The following USP4 variants were observed in gnomAD, a reference collection of about 807,000 sequenced individuals.
USP4 encodes the protein ubiquitin carboxyl-terminal hydrolase 4.
In USP4, 72 loss-of-function variants were observed where a neutral mutation model predicts 118.2. The observed-to-expected ratio is 0.61, with a 90% CI of 0.50 to 0.74. USP4 has a LOEUF of 0.74. Among genes scored for constraint, USP4 ranks in the 30% least tolerant of loss-of-function variants. The pLI, the probability that USP4 is intolerant of heterozygous loss-of-function variation, is 0.00. For synonymous variants in USP4, 415 were observed against 440.4 expected (o/e 0.94, Z 0.72); for missense variants, 1,037 against 1,185.7 (o/e 0.87, Z 1.84).
chr3:49,286,107 T>G lies in USP4; in HGVS notation c.2191A>C (p.Lys731Gln). 1 of 1,614,182 alleles carries G rather than the reference T, an allele frequency of 6.2e-7. No individual in the cohort carries two copies. Among genetic ancestry groups the G allele is most frequent in the African/African-American group, 1.3e-5 (1 of 75,058 alleles). Reference protein sequence around the residue: ...NSLAADGKLLKLNSRSTLAMD... With the variant: ...NSLAADGKLLQLNSRSTLAMD... ...CAGAAAAAGTGCTTACAGTTGAGTT[T>G]AAGTAGTTTTCCATCAGCTGCAAGT... The change falls in exon 16 of 22, where the codon AAA (lysine) becomes CAA (glutamine). Residue 731 changes from lysine to glutamine, a missense_variant. Lys to Gln is a moderately conservative substitution (Grantham distance 53). Around this residue, in one of 3 missense-constraint regions of USP4, gnomAD observed 522 missense variants for 592.6 expected, o/e 0.88. Coordinates refer to ENST00000265560, the MANE Select transcript of USP4 (RefSeq NM_003363.4).
chr3:49,298,173 T>C (rs2047228515), intron 12 of USP4, among the ~76,000 whole-genome samples: 1 of 152,224 alleles, frequency 6.6e-6, no homozygotes, highest in Non-Finnish European at 1.5e-5. Flanking sequence ...GCTGGTAGCA[T>C]CTGCCCTCGA....
intron 10 of USP4, 53 bp from the exon 11 acceptor site, chr3:49,300,744 C>A (rs1279658411): frequency 1.3e-6 from 2 of 1,548,634 alleles, no homozygotes; most frequent in East Asian, 2.3e-5. Context: ...CCCCTTGCCC[C>A]TGCATCCAGA....
intron 6 of USP4, chr3:49,312,466 C>T: frequency 2.2e-6 from 1 of 452,440 alleles, no homozygotes; most frequent in Non-Finnish European, 4.4e-6. Context: ...CAGAGTGAGA[C>T]TCCATCTCAA....
intron 3 of USP4, 29 bp from the exon 4 acceptor site, chr3:49,325,874 T>C (rs759422437): frequency 4.3e-6 from 7 of 1,610,504 alleles, no homozygotes; most frequent in Non-Finnish European, 5.9e-6. Flanking sequence ...GGTGAGGGCA[T>C]AGCGGTTTTG....
chr3:49,281,485 T>TACAC (rs1381937591), intron 19 of USP4, among the ~76,000 whole-genome samples: 19 of 106,882 alleles, frequency 1.8e-4, no homozygotes, highest in Middle Eastern at 4.6e-3. Context: ...TGTATATATA[T>TACAC]ATATATACAC....
intron 6 of USP4, among the ~76,000 whole-genome samples, chr3:49,321,986 T>G (rs1448330342): frequency 4.0e-5 from 6 of 151,692 alleles, no homozygotes; most frequent in African/African-American, 1.2e-4. Context: ...AGATCAAGAC[T>G]CCGTCTATTA....
chr3:49,331,280 A>G (rs1426726611), intron 2 of USP4, among the ~76,000 whole-genome samples: 3 of 151,646 alleles, frequency 2.0e-5, no homozygotes, highest in Admixed American at 6.6e-5. Flanking sequence ...AGATCGCACC[A>G]TTGCACTCCA....
chr3:49,320,212 T>C (rs546569213), intron 6 of USP4, among the ~76,000 whole-genome samples: 2 of 152,288 alleles, frequency 1.3e-5, no homozygotes, highest in South Asian at 4.1e-4. Context: ...TAAGCCACCA[T>C]GCCTGACTCT....
intron 15 of USP4, among the ~76,000 whole-genome samples, chr3:49,291,199 C>T (rs562409421): frequency 3.3e-5 from 5 of 150,174 alleles, no homozygotes; most frequent in Non-Finnish European, 5.9e-5. Flanking sequence ...CTCCTGACCT[C>T]GTGATCCACC....
intron 18 of USP4, 56 bp from the exon 19 acceptor site, chr3:49,284,192 C>T: frequency 1.2e-6 from 2 of 1,608,520 alleles, no homozygotes; most frequent in South Asian, 2.2e-5. Context: ...GCCACCTGGG[C>T]ACTCATGCAT....
At chr3:49,337,201 C>A (rs2047677073) in intron 1 of USP4, among the ~76,000 whole-genome samples, 1 of 151,950 alleles carries the variant, frequency 6.6e-6, no homozygotes, top group South Asian at 2.1e-4. Flanking sequence ...TCACTTGCAC[C>A]CGGAAGACAG....
Position 49,320,942 on chromosome 3 carries a change from ATACAG to A in USP4, c.695+3755_695+3759del, listed in dbSNP as rs2047492964. ...TAGCTGGACATGATGCAGTCCTGCT[ATACAG>A]TACATCCCAGCCTTCCTGAAAGCCA... On this transcript the variant is annotated intron_variant, in intron 6 of 21. Transcript: ENST00000265560. Among the ~76,000 whole-genome samples the A allele has an allele frequency of 3.3e-5, 5 of 152,128 alleles. No homozygotes were observed. In the South Asian group the frequency reaches 1.0e-3, roughly 31 times the overall value.
chr3:49,295,825 T>G (rs1486158606), intron 13 of USP4, among the ~76,000 whole-genome samples: 2 of 152,050 alleles, frequency 1.3e-5, no homozygotes, highest in African/African-American at 4.8e-5. Flanking sequence ...AGGTGTGCTC[T>G]CGAGTAAATA....
Position 49,302,532 on chromosome 3 carries a change from CCTACTTGAGT to C in USP4, c.1129_1138del (p.Thr377AspfsTer23). 1 of 1,613,616 alleles carries C rather than the reference CCTACTTGAGT, an allele frequency of 6.2e-7. No homozygotes were observed. The highest frequency in any genetic ancestry group is 1.3e-5 in the African/African-American group (1 of 74,978). ...GCCAGAAAATTGAGGAGCAAAACGT[CCTACTTGAGT>C]CTACAACAAAAGCAACTGTATCAGA... On this transcript the variant is annotated frameshift_variant and splice_region_variant, in exon 10 of 22. Transcript: ENST00000265560. LOFTEE classifies it high-confidence loss of function.
At chr3:49,325,652 C>T in intron 4 of USP4, 67 bp downstream of exon 4, 1 of 1,584,906 alleles carries the variant, frequency 6.3e-7, no homozygotes, top group Non-Finnish European at 8.6e-7. Context: ...TGCCCTCTTC[C>T]CTCCCATCAG....
intron 6 of USP4, 30 bp from the exon 7 acceptor site, chr3:49,311,684 T>C (rs1377035063): frequency 1.2e-6 from 2 of 1,611,526 alleles, no homozygotes; most frequent in Non-Finnish European, 1.7e-6. Context: ...ACAATGCTAC[T>C]GACTTTTTGC....
At chr3:49,296,647 T>TA (rs1252961432) in intron 13 of USP4, among the ~76,000 whole-genome samples, 1 of 152,132 alleles carries the variant, frequency 6.6e-6, no homozygotes, top group Non-Finnish European at 1.5e-5. Context: ...AGACTCCGTC[T>TA]AAAAAAATAA....
rs769356231 is a variant in USP4, at chr3:49,327,800, G to T, written c.246C>A (p.Thr82=). The change falls in exon 3 of 22, where the codon ACC becomes ACA. Residue 82 remains threonine, a synonymous_variant. Coordinates refer to ENST00000265560, the MANE Select transcript of USP4 (RefSeq NM_003363.4). ...ATTCATCAATTAAGTGTTCTTTCAA[G>T]GTCTGACTCTCAGGATCTAAAAAAG... The part of the protein sequence containing the change: ...SGLFSDPESQ[T]LKEHLIDELD... 1 of 1,613,670 alleles carries T rather than the reference G, an allele frequency of 6.2e-7. No homozygotes were observed. The highest frequency in any genetic ancestry group is 2.2e-5 in the East Asian group (1 of 44,870).
intron 15 of USP4, among the ~76,000 whole-genome samples, chr3:49,290,307 G>A (rs1226031934): frequency 2.6e-5 from 4 of 151,932 alleles, no homozygotes; most frequent in African/African-American, 9.7e-5. Flanking sequence ...CCAACTACTT[G>A]GGAGGCTGAG....
Sources: allele counts gnomAD v4.1 joint callset (sites outside exome capture counted in the v4.1 genomes callset), GRCh38; gene constraint gnomAD v4.1.1; regional missense constraint gnomAD v4.1.1; transcripts MANE v1.5; gene names NCBI Gene and HGNC (gene_info 2026-07-23, HGNC 2026-07-21).